Variants in HERC4 observed in about 807,000 individuals in gnomAD.
HERC4 encodes the protein HECT and RLD domain containing E3 ubiquitin protein ligase 4, also known as probable E3 ubiquitin-protein ligase HERC4.
In HERC4, 28 loss-of-function variants were observed where a neutral mutation model predicts 124.3. That is an observed-to-expected ratio of 0.23 (90% CI 0.17 to 0.31). The LOEUF is 0.31. Among genes scored for constraint, HERC4 ranks in the 10% least tolerant of loss-of-function variants. The pLI is 1.00. For synonymous variants in HERC4, 407 were observed against 421.5 expected (o/e 0.97, Z 0.42); for missense variants, 713 against 1,229.3 (o/e 0.58, Z 6.28).
At chr10:68,013,949 A>C in intron 9 of HERC4, 77 bp downstream of exon 9, 11 of 1,232,286 alleles carry the variant, frequency 8.9e-6, no homozygotes, top group Non-Finnish European at 1.1e-5. Flanking sequence ...CTTTCGCAGA[A>C]ATCTTCATGA....
intron 9 of HERC4, among the ~76,000 whole-genome samples, chr10:68,011,302 T>A (rs2037940572): frequency 6.6e-6 from 1 of 152,218 alleles, no homozygotes; most frequent in Admixed American, 6.5e-5. Context: ...TCCTCTCACT[T>A]CACAAATGTT....
intron 19 of HERC4, among the ~76,000 whole-genome samples, chr10:67,949,154 T>C (rs894443010): frequency 2.6e-5 from 4 of 151,670 alleles, no homozygotes; most frequent in South Asian, 2.1e-4. Flanking sequence ...CATGGTGGCA[T>C]GCACCTGTAG....
chr10:67,944,595 A>G (rs768211350), intron 19 of HERC4, among the ~76,000 whole-genome samples: 7 of 152,228 alleles, frequency 4.6e-5, no homozygotes, highest in Non-Finnish European at 1.0e-4. Flanking sequence ...ACATGACCTC[A>G]CCAAACGAAC....
intron 7 of HERC4, 133 bp from the exon 8 acceptor site, chr10:68,025,809 A>AG: frequency 1.3e-6 from 1 of 742,354 alleles, no homozygotes; most frequent in Non-Finnish European, 2.0e-6. Flanking sequence ...ACAATTTAAC[A>AG]GACAGATGGC....
At chr10:68,039,895 A>G in intron 4 of HERC4, 2 of 991,104 alleles carry the variant, frequency 2.0e-6, no homozygotes, top group Non-Finnish European at 2.4e-6. Context: ...TTTGCAAATG[A>G]AACATTTCAA....
intron 9 of HERC4, among the ~76,000 whole-genome samples, chr10:68,000,980 G>C (rs2037195768): frequency 6.6e-6 from 1 of 152,176 alleles, no homozygotes; most frequent in Non-Finnish European, 1.5e-5. Flanking sequence ...TAATATAGTT[G>C]TTTCAACTTT....
chr10:67,964,900 G>A (rs2034763773), intron 16 of HERC4: 1 of 152,178 alleles, frequency 6.6e-6, no homozygotes, highest in African/African-American at 2.4e-5. Flanking sequence ...AGCCTTCCAA[G>A]TAGCTGGGAT....
chr10:67,969,927 A>G (rs538356026), intron 15 of HERC4, among the ~76,000 whole-genome samples: 13 of 152,322 alleles, frequency 8.5e-5, no homozygotes, highest in Admixed American at 7.8e-4. Flanking sequence ...CTGAGTAACA[A>G]GCAATACCAG....
At chr10:67,976,643 GAA>G (rs1173964437) in intron 15 of HERC4, among the ~76,000 whole-genome samples, 1 of 151,976 alleles carries the variant, frequency 6.6e-6, no homozygotes, top group Non-Finnish European at 1.5e-5. Flanking sequence ...TCATATTGCT[GAA>G]AAAAAGAGAT....
Position 67,987,333 on chromosome 10 carries a change from T to C in HERC4, c.1806+1330A>G, listed in dbSNP as rs150328621. Among the ~76,000 whole-genome samples the C allele has an allele frequency of 5.3e-5, 8 of 152,222 alleles. No homozygotes were observed. In the East Asian group the frequency reaches 1.5e-3, roughly 29 times the overall value. Reference sequence around the variant, plus strand: ...AAGACACAGCTAAGAAAAAAAAGTATTTCTTAAAGGGGGGAATAAAGATAA... The same window carrying C: ...AAGACACAGCTAAGAAAAAAAAGTACTTCTTAAAGGGGGGAATAAAGATAA... On this transcript the variant is annotated intron_variant, in intron 15 of 24. Transcript: ENST00000373700.
intron 5 of HERC4, among the ~76,000 whole-genome samples, chr10:68,036,530 A>G (rs2039481089): frequency 6.6e-6 from 1 of 152,206 alleles, no homozygotes; most frequent in South Asian, 2.1e-4. Context: ...AACTGCCTAT[A>G]GAAGTCCAAA....
chr10:68,026,442 T>A (rs1012608707), intron 7 of HERC4, among the ~76,000 whole-genome samples: 5 of 151,882 alleles, frequency 3.3e-5, no homozygotes, highest in African/African-American at 1.2e-4. Flanking sequence ...CAGATGTTTT[T>A]AAAAAAAACT....
intron 3 of HERC4, among the ~76,000 whole-genome samples, chr10:68,059,504 T>C (rs1246765118): frequency 1.3e-4 from 14 of 107,938 alleles, no homozygotes; most frequent in South Asian, 2.8e-4. Flanking sequence ...CATTATATAT[T>C]ATAATATTAT....
chr10:68,072,083 T>A (rs1364538275), intron 3 of HERC4, among the ~76,000 whole-genome samples: 2 of 152,192 alleles, frequency 1.3e-5, no homozygotes, highest in East Asian at 3.8e-4. Flanking sequence ...AAATAAACAG[T>A]AAGTCAGTAT....
intron 4 of HERC4, among the ~76,000 whole-genome samples, chr10:68,041,076 T>C (rs892588260): frequency 5.3e-5 from 8 of 152,164 alleles, no homozygotes; most frequent in South Asian, 2.1e-4. Flanking sequence ...CCCAACTTAA[T>C]GTGTAGCGGC....
At chr10:67,992,097 A>C (rs2036582512) in intron 11 of HERC4, 102 bp downstream of exon 11, 1 of 1,076,492 alleles carries the variant, frequency 9.3e-7, no homozygotes, top group Non-Finnish European at 1.4e-6. Context: ...GGGTTTTGCC[A>C]TGTTGCCCAG....
intron 23 of HERC4, among the ~76,000 whole-genome samples, chr10:67,927,379 CATATAT>C (rs768914387): frequency 3.2e-3 from 278 of 87,626 alleles, no homozygotes; most frequent in South Asian, 5.7e-3. Context: ...ATAAATACAC[CATATAT>C]ATATATATAT....
Position 67,959,103 on chromosome 10 carries a change from C to A in HERC4, c.1927-2127G>T, listed in dbSNP as rs769823359. The A allele has an allele frequency of 3.1e-6, 5 of 1,596,426 alleles. No homozygotes were observed. In the South Asian group the frequency reaches 4.6e-5, roughly 15 times the overall value. On this transcript the variant is annotated intron_variant, in intron 16 of 24. Transcript: ENST00000373700. ...TACTCTAAACATGAGCTTTATTACA[C>A]CAAACTTACCTCAGTTAATCCATGG... is the stretch of plus-strand genomic sequence containing the variant.
At chr10:68,028,821 T>A (rs979884973) in intron 7 of HERC4, among the ~76,000 whole-genome samples, 16 of 152,216 alleles carry the variant, frequency 1.1e-4, no homozygotes, top group Admixed American at 1.3e-4. Flanking sequence ...AATAACTACT[T>A]CTTTGCTTTC....
Sources: allele counts gnomAD v4.1 joint callset (sites outside exome capture counted in the v4.1 genomes callset), GRCh38; gene constraint gnomAD v4.1.1; transcripts MANE v1.5; gene names NCBI Gene and HGNC (gene_info 2026-07-23, HGNC 2026-07-21).